Variants in GNAQ observed in about 807,000 individuals in gnomAD.
GNAQ encodes the protein guanine nucleotide-binding protein G(q) subunit alpha.
Under a neutral mutation model 43.9 loss-of-function variants are expected in GNAQ, and 8 were observed. The observed-to-expected ratio is 0.18, with a 90% CI of 0.11 to 0.33. GNAQ has a LOEUF of 0.33. Among genes scored for constraint, GNAQ ranks in the 10% least tolerant of loss-of-function variants. The pLI is 1.00. For synonymous variants in GNAQ, 155 were observed against 170.7 expected (o/e 0.91, Z 0.71); for missense variants, 158 against 450.8 (o/e 0.35, Z 5.88).
chr9:77,870,541 T>A (rs1349983216), intron 2 of GNAQ, among the ~76,000 whole-genome samples: 1 of 151,930 alleles, frequency 6.6e-6, no homozygotes, highest in Non-Finnish European at 1.5e-5. Context: ...TTAGCCAGGA[T>A]GGTCTCGATC....
At chr9:77,862,989 A>T (rs1439868074) in intron 2 of GNAQ, among the ~76,000 whole-genome samples, 1 of 151,880 alleles carries the variant, frequency 6.6e-6, no homozygotes, top group African/African-American at 2.4e-5. Flanking sequence ...GACCAGCCTG[A>T]CCAACATGGA....
At chr9:77,770,537 C>T (rs762213806) in intron 5 of GNAQ, among the ~76,000 whole-genome samples, 10 of 152,216 alleles carry the variant, frequency 6.6e-5, no homozygotes, top group South Asian at 4.1e-4. Flanking sequence ...AGTGTTTTCT[C>T]GTTACTGTCT....
rs185322332 is a variant in GNAQ, at chr9:78,023,147, C to T, written c.136+7953G>A. On this transcript the variant is annotated intron_variant, in intron 1 of 6. Transcript: ENST00000286548. The stretch of plus-strand genomic sequence containing the variant: ...TGGTAATCATGAACCAATCTCAAGT[C>T]CCTGCCCTCTGGAAAAGGAAGGAGG... Among the ~76,000 whole-genome samples, 6 of 152,336 alleles carry T rather than the reference C, an allele frequency of 3.9e-5. No homozygotes were observed. The East Asian group carries it at 9.6e-4, about 24-fold the overall frequency.
intron 2 of GNAQ, among the ~76,000 whole-genome samples, chr9:77,874,236 T>G (rs1016215433): frequency 6.6e-6 from 1 of 152,188 alleles, no homozygotes; most frequent in African/African-American, 2.4e-5. Context: ...ACACAGCTTA[T>G]TAGGCTTGGG....
intron 1 of GNAQ, among the ~76,000 whole-genome samples, chr9:78,001,396 C>G (rs1003423568): frequency 6.6e-6 from 1 of 151,600 alleles, no homozygotes; most frequent in Non-Finnish European, 1.5e-5. Flanking sequence ...GAGCGACACT[C>G]CATCTCAAAA....
rs1347694856 is a variant in GNAQ, at chr9:77,998,562, C to T, written c.136+32538G>A. Among the ~76,000 whole-genome samples, 3 of 152,150 alleles carry T rather than the reference C, an allele frequency of 2.0e-5. No homozygotes were observed. The East Asian group carries it at 5.8e-4, about 29-fold the overall frequency. ...TGATTTTATAAAAGGTACACATATA[C>T]CACTTTCATTATCAATGTCTTCAAA... is the stretch of plus-strand genomic sequence containing the variant. On this transcript the variant is annotated intron_variant, in intron 1 of 6. Coordinates refer to ENST00000286548, the MANE Select transcript of GNAQ (RefSeq NM_002072.5).
chr9:77,862,276 G>A (rs1316111285), intron 2 of GNAQ, among the ~76,000 whole-genome samples: 2 of 152,044 alleles, frequency 1.3e-5, no homozygotes, highest in African/African-American at 2.4e-5. Flanking sequence ...TGGGGGCTCT[G>A]ACCTCACATT....
intron 2 of GNAQ, among the ~76,000 whole-genome samples, chr9:77,896,102 A>G (rs1828498972): frequency 6.6e-6 from 1 of 152,210 alleles, no homozygotes; most frequent in South Asian, 2.1e-4. Flanking sequence ...GCTGGATAGA[A>G]GCCTGATCAC....
At chr9:77,784,535 T>C (rs888149210) in intron 5 of GNAQ, among the ~76,000 whole-genome samples, 5 of 152,078 alleles carry the variant, frequency 3.3e-5, no homozygotes, top group Non-Finnish European at 4.4e-5. Context: ...GATAATATAA[T>C]TGAAAAACAA....
At chr9:77,857,459 C>A (rs949591272) in intron 2 of GNAQ, among the ~76,000 whole-genome samples, 1 of 137,934 alleles carries the variant, frequency 7.2e-6, no homozygotes, top group Non-Finnish European at 1.5e-5. Flanking sequence ...GGGGAGGGAA[C>A]AGGAAGGGAA....
chr9:77,906,416 T>G (rs1278787088), intron 2 of GNAQ, among the ~76,000 whole-genome samples: 2 of 152,230 alleles, frequency 1.3e-5, no homozygotes, highest in Non-Finnish European at 2.9e-5. Flanking sequence ...ATGATCTTTC[T>G]GGATGGCAAT....
intron 1 of GNAQ, among the ~76,000 whole-genome samples, chr9:78,012,903 T>C (rs1483658573): frequency 1.3e-5 from 2 of 152,138 alleles, no homozygotes. Context: ...AGGTATGAAA[T>C]TTGAGAAACT....
intron 2 of GNAQ, among the ~76,000 whole-genome samples, chr9:77,849,127 T>C (rs1267770754): frequency 2.6e-5 from 4 of 152,088 alleles, no homozygotes; most frequent in East Asian, 1.9e-4. Context: ...TGAGAACACA[T>C]GAGTCACAGG....
intron 1 of GNAQ, among the ~76,000 whole-genome samples, chr9:78,014,010 G>C (rs1823806805): frequency 6.6e-6 from 1 of 152,120 alleles, no homozygotes. Flanking sequence ...GATCTCTGAA[G>C]ATGATAAACT....
intron 5 of GNAQ, among the ~76,000 whole-genome samples, chr9:77,791,749 C>T (rs1435220060): frequency 1.3e-5 from 2 of 152,114 alleles, no homozygotes; most frequent in African/African-American, 2.4e-5. Context: ...ATGCATTTTC[C>T]ACAGTTTCCT....
At chr9:77,904,132 A>T (rs1828663239) in intron 2 of GNAQ, among the ~76,000 whole-genome samples, 1 of 152,234 alleles carries the variant, frequency 6.6e-6, no homozygotes, top group African/African-American at 2.4e-5. Flanking sequence ...CACTTGCTAG[A>T]GCAAGTGTGT....
At chr9:77,744,902 A>C (rs1007120847) in intron 5 of GNAQ, among the ~76,000 whole-genome samples, 7 of 152,178 alleles carry the variant, frequency 4.6e-5, no homozygotes, top group Admixed American at 4.6e-4. Flanking sequence ...CAACAATAAC[A>C]ACAACAAAAC....
chr9:77,865,858 T>C (rs1250108446), intron 2 of GNAQ, among the ~76,000 whole-genome samples: 1 of 152,190 alleles, frequency 6.6e-6, no homozygotes, highest in African/African-American at 2.4e-5. Flanking sequence ...TGATTATAAT[T>C]AGTTGTAGCA....
At chr9:77,876,985 T>C (rs1358032880) in intron 2 of GNAQ, among the ~76,000 whole-genome samples, 3 of 151,250 alleles carry the variant, frequency 2.0e-5, no homozygotes, top group Non-Finnish European at 3.0e-5. Flanking sequence ...TATCTATTAT[T>C]ATCATCAATT....
Sources: gnomAD v4.1 joint callset for allele counts (sites outside exome capture counted in the v4.1 genomes callset) on GRCh38, gnomAD v4.1.1 for gene constraint, MANE v1.5 for transcripts, NCBI Gene and HGNC (gene_info 2026-07-23, HGNC 2026-07-21) for gene names.